Variants in DPP10 observed in about 807,000 individuals in gnomAD.
The protein encoded by DPP10 is inactive dipeptidyl peptidase 10.
In DPP10, 33 loss-of-function variants were observed where a neutral mutation model predicts 120.9. The observed-to-expected ratio is 0.27, with a 90% CI of 0.21 to 0.37. The LOEUF (loss-of-function observed/expected upper bound fraction) is 0.37. Among genes scored for constraint, DPP10 ranks in the 10% least tolerant of loss-of-function variants. The pLI is 1.00. For missense variants in DPP10, 816 were observed against 942.8 expected (o/e 0.87, Z 1.76); for synonymous variants, 337 against 326.1 (o/e 1.03, Z -0.36).
At chr2:114,862,411 G>T (rs1202230843) in intron 1 of DPP10, among the ~76,000 whole-genome samples, 1 of 152,054 alleles carries the variant, frequency 6.6e-6, no homozygotes, top group Non-Finnish European at 1.5e-5. Flanking sequence ...AGTATTGGTG[G>T]CATGTATGCT....
At chr2:115,176,364 T>C (rs2053693096) in intron 1 of DPP10, among the ~76,000 whole-genome samples, 2 of 149,100 alleles carry the variant, frequency 1.3e-5, no homozygotes, top group Non-Finnish European at 3.0e-5. Flanking sequence ...TATTATGTAA[T>C]GTAATCAATT....
chr2:115,555,579 A>G (rs932138794), intron 5 of DPP10, among the ~76,000 whole-genome samples: 3 of 152,078 alleles, frequency 2.0e-5, no homozygotes, highest in Non-Finnish European at 4.4e-5. Context: ...ACATTTCCAC[A>G]AGGAAAACTA....
At chr2:114,480,902 A>C (rs949317559) in intron 1 of DPP10, among the ~76,000 whole-genome samples, 1 of 151,924 alleles carries the variant, frequency 6.6e-6, no homozygotes, top group Non-Finnish European at 1.5e-5. Flanking sequence ...AAAAAACAAA[A>C]AGTTTTGCAG....
intron 1 of DPP10, among the ~76,000 whole-genome samples, chr2:115,048,731 A>C (rs1705250351): frequency 6.6e-6 from 1 of 152,008 alleles, no homozygotes; most frequent in Non-Finnish European, 1.5e-5. Context: ...CCTCTTCTTC[A>C]TATATGTATT....
chr2:114,881,578 A>ATCTATCTG lies in DPP10; in HGVS notation c.61-427658_61-427657insATCTGTCT, dbSNP rs1281044326. ...CTATCTATGTATCATCTATCTATCT[A>ATCTATCTG]TCTGTCTGTCTGTCTGTCTGTCTAT... On this transcript the variant is annotated intron_variant, in intron 1 of 25. Transcript: ENST00000410059. Among the ~76,000 whole-genome samples, 397 of 99,146 alleles carry ATCTATCTG rather than the reference A, an allele frequency of 4.0e-3. 4 individuals are homozygous for ATCTATCTG. The highest frequency in any genetic ancestry group is 0.017 in the South Asian group (42 of 2,456). The allele number at this position is 99,146 out of a possible 152,430, so 65.0% of individuals were successfully genotyped here.
At chr2:114,733,180 G>C (rs753927779) in intron 1 of DPP10, among the ~76,000 whole-genome samples, 1 of 152,156 alleles carries the variant, frequency 6.6e-6, no homozygotes, top group Non-Finnish European at 1.5e-5. Flanking sequence ...TACTAATTTT[G>C]CTCCCAACTT....
chr2:115,342,054 T>C (rs2063473827), intron 2 of DPP10: 2 of 426,570 alleles, frequency 4.7e-6, no homozygotes, highest in South Asian at 3.4e-5. Flanking sequence ...CATTTTGCAT[T>C]CTTACCCAGG....
chr2:114,833,015 T>C (rs1318187714), intron 1 of DPP10, among the ~76,000 whole-genome samples: 1 of 152,200 alleles, frequency 6.6e-6, no homozygotes, highest in Non-Finnish European at 1.5e-5. Flanking sequence ...CTGATTCTGA[T>C]TAAAATAGCT....
intron 1 of DPP10, among the ~76,000 whole-genome samples, chr2:114,853,661 T>C (rs2106498461): frequency 6.6e-6 from 1 of 152,254 alleles, no homozygotes; most frequent in Middle Eastern, 3.4e-3. Context: ...TAGTGAGAAA[T>C]GATGAAGTGC....
intron 2 of DPP10, chr2:115,342,044 C>T: frequency 2.4e-6 from 1 of 410,310 alleles, no homozygotes; most frequent in African/African-American, 2.1e-5. Context: ...GTGACTGTAC[C>T]ATTTTGCATT....
At chr2:114,714,418 G>A (rs958410458) in intron 1 of DPP10, among the ~76,000 whole-genome samples, 2 of 152,206 alleles carry the variant, frequency 1.3e-5, no homozygotes, top group Non-Finnish European at 2.9e-5. Context: ...ACTAGTGAGA[G>A]CTGATGATGA....
chr2:114,503,576 G>A (rs1433656525), intron 1 of DPP10, among the ~76,000 whole-genome samples: 1 of 152,160 alleles, frequency 6.6e-6, no homozygotes, highest in African/African-American at 2.4e-5. Flanking sequence ...TTTGAGAAAA[G>A]AGGTTATCCT....
rs572719979 is a variant in DPP10, at chr2:115,011,098, T to C, written c.61-298141T>C. On this transcript the variant is annotated intron_variant, in intron 1 of 25. Coordinates refer to ENST00000410059, the MANE Select transcript of DPP10 (RefSeq NM_020868.6). ...AATACTTGGGGATTTTCCACATATA[T>C]GGTTACTCATTTGGAAGTTAATCGT... Among the ~76,000 whole-genome samples, 3 of 152,348 alleles carry C rather than the reference T, an allele frequency of 2.0e-5. No homozygotes were observed. The South Asian group carries it at 6.2e-4, about 32-fold the overall frequency.
At chr2:114,990,154 C>G (rs1198034715) in intron 1 of DPP10, among the ~76,000 whole-genome samples, 2 of 152,002 alleles carry the variant, frequency 1.3e-5, no homozygotes, top group African/African-American at 2.4e-5. Flanking sequence ...TGGTTTTGCA[C>G]GATTTAAATA....
chr2:115,447,199 A>T (rs2072684077), intron 3 of DPP10, among the ~76,000 whole-genome samples: 1 of 152,166 alleles, frequency 6.6e-6, no homozygotes, highest in Admixed American at 6.5e-5. Flanking sequence ...TTGGACTAGG[A>T]TGGGGGCCTG....
At chr2:114,523,047 G>T (rs2420165) in intron 1 of DPP10, among the ~76,000 whole-genome samples, 14,695 of 152,214 alleles carry the variant, frequency 0.097, 772 homozygotes, top group South Asian at 0.2. Flanking sequence ...AGGTTCTCTC[G>T]AAACAGATCC....
In DPP10 at chr2:114,608,556, C is replaced by T. The variant is rs148604642; in HGVS notation, c.60+165718C>T. 6.6e-5 allele frequency among the ~76,000 whole-genome samples: 10 copies of T among 152,136 alleles called. No homozygotes were observed. In the East Asian group the frequency reaches 9.7e-4, roughly 15 times the overall value. ...AGATATAAATAATTATCTTAACACA[C>T]GAATGTACAGTTTGGAATCATTGTA... is the stretch of plus-strand genomic sequence containing the variant. On this transcript the variant is annotated intron_variant, in intron 1 of 25. Transcript: ENST00000410059.
intron 1 of DPP10, among the ~76,000 whole-genome samples, chr2:115,251,160 T>C (rs1439605436): frequency 2.0e-5 from 3 of 152,206 alleles, no homozygotes; most frequent in Non-Finnish European, 4.4e-5. Context: ...TTTATCTTGA[T>C]TGGAATCTAT....
chr2:115,367,619 AT>A (rs1352623041), intron 3 of DPP10, among the ~76,000 whole-genome samples: 1 of 151,996 alleles, frequency 6.6e-6, no homozygotes, highest in Non-Finnish European at 1.5e-5. Flanking sequence ...ATTTTTAAAG[AT>A]CCTAGGATTA....
Sources: allele counts gnomAD v4.1 joint callset (sites outside exome capture counted in the v4.1 genomes callset), GRCh38; gene constraint gnomAD v4.1.1; transcripts MANE v1.5; gene names NCBI Gene and HGNC (gene_info 2026-07-23, HGNC 2026-07-21).